The following RCHY1 variants were observed in gnomAD, a reference collection of about 807,000 sequenced individuals.
The protein encoded by RCHY1 is RING finger and CHY zinc finger domain-containing protein 1.
RCHY1 carries 21 observed loss-of-function variants against 41.6 expected under a neutral mutation model. That is an observed-to-expected ratio of 0.51 (90% confidence interval 0.36 to 0.73). The LOEUF is 0.73. Among genes scored for constraint, RCHY1 ranks in the 30% least tolerant of loss-of-function variants. The pLI is 0.00. For missense variants in RCHY1, 265 were observed against 325.3 expected (o/e 0.81, Z 1.43); for synonymous variants, 79 against 102.9 (o/e 0.77, Z 1.41).
At chr4:75,506,939 G>T (rs1306460768) in intron 3 of RCHY1, among the ~76,000 whole-genome samples, 3 of 152,020 alleles carry the variant, frequency 2.0e-5, no homozygotes, top group South Asian at 2.1e-4. Context: ...CCTGAGAAAT[G>T]ATATTTTTAA....
Position 75,514,387 on chromosome 4 carries a change from G to C in RCHY1, c.-101C>G. The C allele has an allele frequency of 7.4e-7, 1 of 1,356,438 alleles. No homozygotes were observed. Among genetic ancestry groups the C allele is most frequent in the South Asian group, 1.4e-5 (1 of 72,028 alleles). The allele number at this position is 1,356,438 out of a possible 1,614,324, so 84.0% of individuals were successfully genotyped here. ...TAGCACACCCCTCCCAGCCCCAGCG[G>C]CCACTAGCGACAATATGGCTCCTAA... On this transcript the variant is annotated 5_prime_UTR_variant, in exon 1 of 9. Transcript: ENST00000324439.
At chr4:75,506,529 A>C (rs2148767994) in intron 3 of RCHY1, among the ~76,000 whole-genome samples, 1 of 152,198 alleles carries the variant, frequency 6.6e-6, no homozygotes, top group Middle Eastern at 3.4e-3. Context: ...ATAAATAGAT[A>C]ACTTGGTAGG....
At chr4:75,508,270 C>A (rs2148772738) in intron 3 of RCHY1, among the ~76,000 whole-genome samples, 1 of 152,144 alleles carries the variant, frequency 6.6e-6, no homozygotes, top group South Asian at 2.1e-4. Context: ...TTTAGACACA[C>A]TTTACATACA....
chr4:75,513,057 T>A (rs1725106622), intron 1 of RCHY1, among the ~76,000 whole-genome samples: 1 of 152,030 alleles, frequency 6.6e-6, no homozygotes, highest in African/African-American at 2.4e-5. Context: ...TAATAATACA[T>A]CTCAGTAGAA....
At chr4:75,489,886 T>C (rs1264491036) in intron 8 of RCHY1, among the ~76,000 whole-genome samples, 1 of 152,136 alleles carries the variant, frequency 6.6e-6, no homozygotes, top group Non-Finnish European at 1.5e-5. Flanking sequence ...CTTAGGTTCA[T>C]TATCTCACAT....
At chr4:75,501,382 T>C (rs571720834) in intron 3 of RCHY1, among the ~76,000 whole-genome samples, 9 of 152,232 alleles carry the variant, frequency 5.9e-5, no homozygotes, top group Non-Finnish European at 1.3e-4. Context: ...AAAGACAGTA[T>C]TTGTCAAACT....
At chr4:75,513,652 C>T (rs1725198600) in intron 1 of RCHY1, among the ~76,000 whole-genome samples, 1 of 152,122 alleles carries the variant, frequency 6.6e-6, no homozygotes, top group African/African-American at 2.4e-5. Flanking sequence ...ACAATACATG[C>T]TTATTAGGCA....
Position 75,487,796 on chromosome 4 carries a change from CATATATATATTCATAATATATATTCATA to C in RCHY1, c.657+2757_657+2784del, listed in dbSNP as rs1560513528. ...TATATATATTCATAATATATATATT[CATATATATATTCATAATATATATTCATA>C]ATATATATATTCATAATATATATTC... On this transcript the variant is annotated intron_variant, in intron 8 of 8. Coordinates refer to ENST00000324439, the MANE Select transcript of RCHY1 (RefSeq NM_015436.4). Among the ~76,000 whole-genome samples, 369 of 49,722 alleles carry C rather than the reference CATATATATATTCATAATATATATTCATA, an allele frequency of 7.4e-3. 17 individuals are homozygous for C. The highest frequency in any genetic ancestry group is 0.042 in the Admixed American group (160 of 3,766). 32.6% of individuals were successfully genotyped at this position (49,722 alleles called of 152,430 possible).
intron 1 of RCHY1, among the ~76,000 whole-genome samples, chr4:75,512,429 C>G (rs1032215976): frequency 2.0e-5 from 3 of 152,180 alleles, no homozygotes; most frequent in East Asian, 3.8e-4. Context: ...TTAGGAAGAA[C>G]TGACAGTCTA....
At chr4:75,513,888 T>C (rs1725231911) in intron 1 of RCHY1, 1 of 239,086 alleles carries the variant, frequency 4.2e-6, no homozygotes, top group Non-Finnish European at 8.1e-6. Context: ...AAAACCCCAG[T>C]ACAGGCCCGG....
At chr4:75,505,249 T>G (rs1018286978) in intron 3 of RCHY1, among the ~76,000 whole-genome samples, 5 of 152,124 alleles carry the variant, frequency 3.3e-5, no homozygotes, top group African/African-American at 1.2e-4. Context: ...ACAGTAATGG[T>G]CGATCACCCA....
intron 8 of RCHY1, among the ~76,000 whole-genome samples, chr4:75,487,228 C>A (rs1432113607): frequency 6.6e-6 from 1 of 151,458 alleles, no homozygotes; most frequent in African/African-American, 2.4e-5. Flanking sequence ...CTCTCTTGAA[C>A]AAAGATTTCA....
At chr4:75,502,431 T>C (rs1229615415) in intron 3 of RCHY1, among the ~76,000 whole-genome samples, 1 of 151,690 alleles carries the variant, frequency 6.6e-6, no homozygotes, top group Non-Finnish European at 1.5e-5. Flanking sequence ...TCCCAGTTAC[T>C]TGGGAGGCTG....
At chr4:75,505,655 A>G (rs190944645) in intron 3 of RCHY1, among the ~76,000 whole-genome samples, 20 of 152,348 alleles carry the variant, frequency 1.3e-4, no homozygotes, top group Admixed American at 1.2e-3. Context: ...TTTTAAAATA[A>G]GCAAAATGAA....
In RCHY1 at chr4:75,490,697, A is replaced by G; in HGVS notation, c.541T>C (p.Tyr181His). ...TCYEEMLKEG[Y>H]RCPLCMHSAL... ...GAGTGCATACATAATGGACATCTGT[A>G]GCCTCTGAAAGAGATAGAAAGGTTA... The change falls in exon 8 of 9, where the codon TAC becomes CAC. Residue 181 changes from tyrosine to histidine, a missense_variant. By Grantham distance (83) the Tyr-to-His change is moderately conservative. Coordinates refer to ENST00000324439, the MANE Select transcript of RCHY1 (RefSeq NM_015436.4). The G allele has an allele frequency of 6.2e-7, 1 of 1,600,484 alleles. No homozygotes were observed. The highest frequency in any genetic ancestry group is 8.5e-7 in the Non-Finnish European group (1 of 1,171,974).
chr4:75,487,882 T>TATATATTCATA (rs1311681904), intron 8 of RCHY1, among the ~76,000 whole-genome samples: 33 of 76,146 alleles, frequency 4.3e-4, no homozygotes, highest in Non-Finnish European at 6.8e-4. Flanking sequence ...ATATTCATAA[T>TATATATTCATA]ATATATATTC....
intron 8 of RCHY1, among the ~76,000 whole-genome samples, chr4:75,485,815 T>C (rs1159118950): frequency 6.6e-6 from 1 of 152,214 alleles, no homozygotes; most frequent in Non-Finnish European, 1.5e-5. Flanking sequence ...CTTCTGTCTG[T>C]GTCTGTATTC....
chr4:75,482,761 T>G, intron 8 of RCHY1, 95 bp from the exon 9 acceptor site: 1 of 782,206 alleles, frequency 1.3e-6, no homozygotes, highest in Non-Finnish European at 1.8e-6. Context: ...ATTAAAGATG[T>G]GAAAATACAT....
intron 8 of RCHY1, among the ~76,000 whole-genome samples, chr4:75,483,190 T>C (rs1721667808): frequency 6.6e-6 from 1 of 152,200 alleles, no homozygotes; most frequent in Admixed American, 6.5e-5. Flanking sequence ...TCTTCGCTCA[T>C]CCCTACAATA....
Sources: allele counts gnomAD v4.1 joint callset (sites outside exome capture counted in the v4.1 genomes callset), GRCh38; gene constraint gnomAD v4.1.1; transcripts MANE v1.5; gene names NCBI Gene and HGNC (gene_info 2026-07-23, HGNC 2026-07-21).